Variants in NPAP1 observed in about 807,000 individuals in gnomAD.
NPAP1 encodes the protein nuclear pore-associated protein 1.
For synonymous variants in NPAP1, 616 were observed against 581.4 expected (o/e 1.06, Z -0.86); for missense variants, 1,483 against 1,454.5 (o/e 1.02, Z -0.32).
Position 24,676,032 on chromosome 15 carries a change from C to T in NPAP1, c.165C>T (p.Ala55=). 1 of 1,596,708 alleles carries T rather than the reference C, an allele frequency of 6.3e-7. No individual in the cohort carries two copies. Among genetic ancestry groups the T allele is most frequent in the South Asian group, 1.1e-5 (1 of 89,326 alleles). Residue 55 remains alanine (A), a synonymous_variant, in exon 1 of 1, where the codon GCC becomes GCT. Coordinates refer to ENST00000329468, the MANE Select transcript of NPAP1 (RefSeq NM_018958.3). ...TCCGCGGCCTGTTCCGCCGGAACGCCCGTCGCAGGCCTTCAGCAGCCAGCA... is the reference window on the plus strand; with the variant it reads ...TCCGCGGCCTGTTCCGCCGGAACGCTCGTCGCAGGCCTTCAGCAGCCAGCA... ...RPFRGLFRRN[A]RRRPSAASIF... is the part of the protein sequence containing the mutation.
At position 24,679,384 on chromosome 15, in the gene NPAP1, A is replaced by C; in HGVS notation, c.*46A>C. ...ATCACACCACATCAGTTGTGGTTGTAAATACCAGCATTATCCTTTTGTATG... is the reference window on the plus strand; with the variant it reads ...ATCACACCACATCAGTTGTGGTTGTCAATACCAGCATTATCCTTTTGTATG... On this transcript the variant is annotated 3_prime_UTR_variant, in exon 1 of 1. Transcript: ENST00000329468. 1 of 1,328,612 alleles carries C rather than the reference A, an allele frequency of 7.5e-7. No homozygotes were observed. The highest frequency in any genetic ancestry group is 1.1e-6 in the Non-Finnish European group (1 of 936,354). The allele number at this position is 1,328,612 out of a possible 1,614,324, so 82.3% of individuals were successfully genotyped here. A position where few individuals can be genotyped will look rare whatever the true frequency, so the allele number is the denominator to read the frequency against.
chr15:24,675,987 T>C lies in NPAP1; in HGVS notation c.120T>C (p.Ser40=), dbSNP rs907181578. Residue 40 remains serine, a synonymous_variant, in exon 1 of 1, where the codon TCT becomes TCC. Coordinates refer to ENST00000329468, the MANE Select transcript of NPAP1 (RefSeq NM_018958.3). ...RDASPPGRAH[S]VPTPRPFRGL... Reference sequence around the variant, plus strand: ...CCTCCCCGCCCGGTCGGGCTCACTCTGTACCCACCCCGCGCCCTTTCCGCG... The same window carrying C: ...CCTCCCCGCCCGGTCGGGCTCACTCCGTACCCACCCCGCGCCCTTTCCGCG... 1.9e-6 allele frequency: 3 copies of C among 1,601,344 alleles called. No homozygotes were observed. Among genetic ancestry groups the C allele is most frequent in the Non-Finnish European group, 2.6e-6 (3 of 1,175,172 alleles).
In NPAP1 at chr15:24,675,835, C is replaced by G. The variant is rs1297922806; in HGVS notation, c.-33C>G. The G allele has an allele frequency of 7.0e-7, 1 of 1,424,204 alleles. No individual in the cohort carries two copies. The allele number at this position is 1,424,204 out of a possible 1,614,324, so 88.2% of individuals were successfully genotyped here. On this transcript the variant is annotated 5_prime_UTR_variant, in exon 1 of 1. Coordinates refer to ENST00000329468, the MANE Select transcript of NPAP1 (RefSeq NM_018958.3). ...AGGAGAGTTGAGTCCACTGCTGACC[C>G]TGTTTTACGGTAGGAGGCACGGCTA...
In NPAP1 at chr15:24,676,980, G is replaced by A. The variant is rs2141309278; in HGVS notation, c.1113G>A (p.Lys371=). 4.3e-6 allele frequency: 7 copies of A among 1,613,958 alleles called. No homozygotes were observed. The highest frequency in any genetic ancestry group is 1.1e-5 in the South Asian group (1 of 91,082). ...AGGGAGACCTACACACCTTGGAGAA[G>A]AGCCCTGAGTATAAAAGGAATAGCA... The part of the protein sequence containing the change: ...SVEGDLHTLE[K]SPEYKRNSRI... The change falls in exon 1 of 1, where the codon AAG becomes AAA. Residue 371 remains lysine (K), a synonymous_variant. Coordinates refer to ENST00000329468, the MANE Select transcript of NPAP1 (RefSeq NM_018958.3).
chr15:24,676,836 C>A lies in NPAP1; in HGVS notation c.969C>A (p.Asn323Lys), dbSNP rs77489713. ...RSAAPPRAARNRPCKRKMSIP... is the reference protein window; with the variant it reads ...RSAAPPRAARKRPCKRKMSIP... ...CTGCTCCTCCCAGAGCTGCCCGCAA[C>A]AGGCCCTGCAAAAGGAAAATGTCGA... The change falls in exon 1 of 1, where the codon AAC (asparagine) becomes AAA (lysine). Residue 323 changes from asparagine (N) to lysine (K), a missense_variant. Physicochemically the swap from Asn to Lys is moderately conservative, Grantham distance 94 (BLOSUM62 0). Coordinates refer to ENST00000329468, the MANE Select transcript of NPAP1 (RefSeq NM_018958.3). The A allele has an allele frequency of 3.1e-4, 504 of 1,613,100 alleles. No homozygotes were observed. The African/African-American group carries it at 5.2e-3, about 17-fold the overall frequency.
rs148148312 is a variant in NPAP1, at chr15:24,676,617, G to T, written c.750G>T (p.Arg250=). Residue 250 remains arginine (R), a synonymous_variant, in exon 1 of 1, where the codon CGG becomes CGT. Coordinates refer to ENST00000329468, the MANE Select transcript of NPAP1 (RefSeq NM_018958.3). ...PSTHSQAGCA[R]HLGKPDPDAT... ...CACACAGCCAGGCCGGATGTGCCCG[G>T]CATCTTGGAAAGCCTGATCCGGATG... 284 of 1,613,762 alleles carry T rather than the reference G, an allele frequency of 1.8e-4. No homozygotes were observed. The highest frequency in any genetic ancestry group is 2.3e-4 in the Admixed American group (14 of 60,002).
At position 24,679,168 on chromosome 15, in the gene NPAP1, G is replaced by A. The variant is rs1399740133; in HGVS notation, c.3301G>A (p.Gly1101Ser). ...LDPPTQNSCSGMGGDGTRSIV... is the reference protein window; with the variant it reads ...LDPPTQNSCSSMGGDGTRSIV... ...CCCACCTACCCAGAATTCATGCAGT[G>A]GTATGGGAGGGGATGGCACCAGATC... is the stretch of plus-strand genomic sequence containing the variant. The change falls in exon 1 of 1, where the codon GGT becomes AGT. Residue 1101 changes from glycine (G) to serine (S), a missense_variant. Physicochemically the swap from Gly to Ser is moderately conservative, Grantham distance 56. Transcript: ENST00000329468. The A allele has an allele frequency of 6.2e-7, 1 of 1,614,180 alleles. No homozygotes were observed. The highest frequency in any genetic ancestry group is 1.1e-5 in the South Asian group (1 of 91,088).
chr15:24,676,155 G>A lies in NPAP1; in HGVS notation c.288G>A (p.Lys96=), dbSNP rs774376806. ...PAVGWGLAIR[K]TPMLPARNPP... Reference sequence around the variant, plus strand: ...TGGGTTGGGGGCTGGCCATCAGGAAGACACCCATGCTGCCTGCTCGGAACC... The same window carrying A: ...TGGGTTGGGGGCTGGCCATCAGGAAAACACCCATGCTGCCTGCTCGGAACC... Residue 96 remains lysine, a synonymous_variant, in exon 1 of 1, where the codon AAG becomes AAA. Coordinates refer to ENST00000329468, the MANE Select transcript of NPAP1 (RefSeq NM_018958.3). The A allele has an allele frequency of 7.6e-6, 12 of 1,577,824 alleles. No individual in the cohort carries two copies. The highest frequency in any genetic ancestry group is 2.3e-5 in the East Asian group (1 of 43,428).
In NPAP1 at chr15:24,679,445, TG is replaced by T; in HGVS notation, c.*108del. The stretch of plus-strand genomic sequence containing the variant: ...TAGTTTCATCTTCATGCCAAGCACC[TG>T]CCATGTACCTCTCCAGAACTCAGGT... On this transcript the variant is annotated 3_prime_UTR_variant, in exon 1 of 1. Coordinates refer to ENST00000329468, the MANE Select transcript of NPAP1 (RefSeq NM_018958.3). 1.2e-6 allele frequency: 1 copy of T among 840,406 alleles called. No homozygotes were observed. Among genetic ancestry groups the T allele is most frequent in the Non-Finnish European group, 1.9e-6 (1 of 521,868 alleles). The allele number at this position is 840,406 out of a possible 1,614,324, so 52.1% of individuals were successfully genotyped here. A position where few individuals can be genotyped will look rare whatever the true frequency, so the allele number is the denominator to read the frequency against.
chr15:24,678,103 A>G lies in NPAP1; in HGVS notation c.2236A>G (p.Thr746Ala), dbSNP rs745454493. 4 of 1,613,360 alleles carry G rather than the reference A, an allele frequency of 2.5e-6. No individual in the cohort carries two copies. The African/African-American group carries it at 5.4e-5, about 22-fold the overall frequency. Residue 746 changes from threonine (T) to alanine (A), a missense_variant, in exon 1 of 1, where the codon ACC becomes GCC. Coordinates refer to ENST00000329468, the MANE Select transcript of NPAP1 (RefSeq NM_018958.3). ...CAACACTGCCTCAGTCCAAGGCTCCACCAGTTTGCCTGCACAGTCAGTCAG... is the reference window on the plus strand; with the variant it reads ...CAACACTGCCTCAGTCCAAGGCTCCGCCAGTTTGCCTGCACAGTCAGTCAG... Reference protein sequence around the residue: ...SGNTASVQGSTSLPAQSVRAP... With the variant: ...SGNTASVQGSASLPAQSVRAP...
Position 24,676,587 on chromosome 15 carries a change from C to T in NPAP1, c.720C>T (p.Pro240=), listed in dbSNP as rs1294179846. 6.2e-7 allele frequency: 1 copy of T among 1,614,046 alleles called. No individual in the cohort carries two copies. The highest frequency in any genetic ancestry group is 8.5e-7 in the Non-Finnish European group (1 of 1,180,028). The change falls in exon 1 of 1, where the codon CCC becomes CCT. Residue 240 remains proline (P), a synonymous_variant. Coordinates refer to ENST00000329468, the MANE Select transcript of NPAP1 (RefSeq NM_018958.3). ...ASSCLEGPAM[P]STHSQAGCAR... is the part of the protein sequence containing the mutation. ...CCTGCTTGGAAGGCCCTGCCATGCC[C>T]AGCACACACAGCCAGGCCGGATGTG... is the stretch of plus-strand genomic sequence containing the variant.
rs755205888 is a variant in NPAP1, at chr15:24,678,504, A to T, written c.2637A>T (p.Ala879=). 1.2e-6 allele frequency: 2 copies of T among 1,614,228 alleles called. No individual in the cohort carries two copies. The highest frequency in any genetic ancestry group is 4.5e-5 in the East Asian group (2 of 44,886). The change falls in exon 1 of 1, where the codon GCA becomes GCT. Residue 879 remains alanine (A), a synonymous_variant. Coordinates refer to ENST00000329468, the MANE Select transcript of NPAP1 (RefSeq NM_018958.3). ...AQVSTSFPAQ[A]DRRPTTTSSH... ...TCTCCACCAGTTTTCCTGCACAGGC[A>T]GATAGGAGACCAACCACAACTTCCA... is the stretch of plus-strand genomic sequence containing the variant.
At position 24,681,798 on chromosome 15, in the gene NPAP1, A is replaced by C. The variant is rs1260961318; in HGVS notation, c.*2460A>C. The stretch of plus-strand genomic sequence containing the variant: ...AGATAGATGATAGATAGATACATAG[A>C]TAGATGATAGAGATAGATGATAGAT... On this transcript the variant is annotated 3_prime_UTR_variant, in exon 1 of 1. Transcript: ENST00000329468. The C allele has an allele frequency of 1.2e-5, 2 of 166,056 alleles. No individual in the cohort carries two copies. The highest frequency in any genetic ancestry group is 2.9e-5 in the Non-Finnish European group (2 of 67,960). The allele number at this position is 166,056 out of a possible 1,614,324, so 10.3% of individuals were successfully genotyped here.
Position 24,676,036 on chromosome 15 carries a change from C to T in NPAP1, c.169C>T (p.Arg57Cys), listed in dbSNP as rs1184169080. The T allele has an allele frequency of 1.9e-6, 3 of 1,596,336 alleles. No individual in the cohort carries two copies. The highest frequency in any genetic ancestry group is 2.6e-6 in the Non-Finnish European group (3 of 1,172,718). ...CGGCCTGTTCCGCCGGAACGCCCGT[C>T]GCAGGCCTTCAGCAGCCAGCATCTT... is the stretch of plus-strand genomic sequence containing the variant. ...FRGLFRRNAR[R>C]RPSAASIFVA... The change falls in exon 1 of 1, where the codon CGC becomes TGC. Residue 57 changes from arginine (R) to cysteine (C), a missense_variant. Physicochemically the swap from Arg to Cys is radical, Grantham distance 180. Transcript: ENST00000329468.
Position 24,676,706 on chromosome 15 carries a change from T to G in NPAP1, c.839T>G (p.Val280Gly), listed in dbSNP as rs1247663636. 6.2e-7 allele frequency: 1 copy of G among 1,614,022 alleles called. No individual in the cohort carries two copies. Among genetic ancestry groups the G allele is most frequent in the Non-Finnish European group, 8.5e-7 (1 of 1,180,028 alleles). ...SLLQQKLAAE[V>G]LNEEPPPSSL... Reference sequence around the variant, plus strand: ...CTGCAGCAGAAGTTGGCTGCGGAAGTGCTGAATGAAGAGCCACCGCCCAGC... The same window carrying G: ...CTGCAGCAGAAGTTGGCTGCGGAAGGGCTGAATGAAGAGCCACCGCCCAGC... The change falls in exon 1 of 1, where the codon GTG (valine) becomes GGG (glycine). Residue 280 changes from valine (V) to glycine (G), a missense_variant. Transcript: ENST00000329468.
Position 24,677,957 on chromosome 15 carries a change from C to T in NPAP1, c.2090C>T (p.Thr697Ile), listed in dbSNP as rs1305921368. Reference sequence around the variant, plus strand: ...TCATCATCCAAACCTCCCATTGAAACCAATGCTATGCATACCACTCCTCCT... The same window carrying T: ...TCATCATCCAAACCTCCCATTGAAATCAATGCTATGCATACCACTCCTCCT... ...TASSSKPPIETNAMHTTPPSK... is the reference protein window; with the variant it reads ...TASSSKPPIEINAMHTTPPSK... The change falls in exon 1 of 1, where the codon ACC (threonine) becomes ATC (isoleucine). Residue 697 changes from threonine (T) to isoleucine (I), a missense_variant. By Grantham distance (89) the Thr-to-Ile change is moderately conservative (BLOSUM62 -1). Coordinates refer to ENST00000329468, the MANE Select transcript of NPAP1 (RefSeq NM_018958.3). 2.5e-6 allele frequency: 4 copies of T among 1,613,532 alleles called. No individual in the cohort carries two copies. The highest frequency in any genetic ancestry group is 3.4e-6 in the Non-Finnish European group (4 of 1,179,952).
rs2141307379 is a variant in NPAP1, at chr15:24,676,152, G to A, written c.285G>A (p.Arg95=). 1 of 1,578,108 alleles carries A rather than the reference G, an allele frequency of 6.3e-7. No homozygotes were observed. Among genetic ancestry groups the A allele is most frequent in the Non-Finnish European group, 8.6e-7 (1 of 1,164,378 alleles). ...CTGTGGGTTGGGGGCTGGCCATCAG[G>A]AAGACACCCATGCTGCCTGCTCGGA... The part of the protein sequence containing the change: ...LPAVGWGLAI[R]KTPMLPARNP... The change falls in exon 1 of 1, where the codon AGG becomes AGA. Residue 95 remains arginine, a synonymous_variant. Coordinates refer to ENST00000329468, the MANE Select transcript of NPAP1 (RefSeq NM_018958.3).
At position 24,679,267 on chromosome 15, in the gene NPAP1, T is replaced by A; in HGVS notation, c.3400T>A (p.Tyr1134Asn). The change falls in exon 1 of 1, where the codon TAC becomes AAC. Residue 1134 changes from tyrosine to asparagine, a missense_variant. Transcript: ENST00000329468. ...GCACACATGGACAGAGAGAAAATTC[T>A]ACACTTCAAGCACCCACTACTATGG... ...LQHTWTERKF[Y>N]TSSTHYYGQE... The A allele has an allele frequency of 6.2e-7, 1 of 1,614,072 alleles. No individual in the cohort carries two copies. Among genetic ancestry groups the A allele is most frequent in the Non-Finnish European group, 8.5e-7 (1 of 1,180,026 alleles).
Position 24,679,375 on chromosome 15 carries a change from TGTG to T in NPAP1, c.*40_*42del. On this transcript the variant is annotated 3_prime_UTR_variant, in exon 1 of 1. Coordinates refer to ENST00000329468, the MANE Select transcript of NPAP1 (RefSeq NM_018958.3). ...GTTCACCTGATCACACCACATCAGT[TGTG>T]GTTGTAAATACCAGCATTATCCTTT... 7.0e-7 allele frequency: 1 copy of T among 1,436,506 alleles called. No individual in the cohort carries two copies. The highest frequency in any genetic ancestry group is 1.2e-5 in the South Asian group (1 of 82,790). 89.0% of individuals were successfully genotyped at this position (1,436,506 alleles called of 1,614,324 possible). A position where few individuals can be genotyped will look rare whatever the true frequency, so the allele number is the denominator to read the frequency against.
Sources: gnomAD v4.1 joint callset for allele counts on GRCh38, gnomAD v4.1.1 for gene constraint, MANE v1.5 for transcripts, NCBI Gene and HGNC (gene_info 2026-07-23, HGNC 2026-07-21) for gene names.